TTC7A: variants seen among roughly 807,000 people sequenced by gnomAD.
TTC7A encodes tetratricopeptide repeat domain 7A.
A neutral mutation model predicts 103.7 loss-of-function variants in TTC7A; 110 were observed. The observed-to-expected ratio is 1.06, with a 90% confidence interval of 0.91 to 1.24. The LOEUF (loss-of-function observed/expected upper bound fraction) is 1.24. Among genes scored for constraint, TTC7A ranks in the 50% most tolerant of loss-of-function variants. The pLI is 0.00. For missense variants in TTC7A, 1,340 were observed against 1,116.3 expected (o/e 1.20, Z -2.86); for synonymous variants, 521 against 467.9 (o/e 1.11, Z -1.47).
At chr2:47,015,047 G>C (rs1467093053) in intron 11 of TTC7A, among the ~76,000 whole-genome samples, 1 of 152,244 alleles carries the variant, frequency 6.6e-6, no homozygotes, top group South Asian at 2.1e-4. Flanking sequence ...AGCTGAGCAG[G>C]TTTGGGTTTG....
chr2:46,997,875 G>C (rs1038072630), intron 8 of TTC7A, among the ~76,000 whole-genome samples: 1 of 152,132 alleles, frequency 6.6e-6, no homozygotes, highest in African/African-American at 2.4e-5. Context: ...GAGTTCAGAT[G>C]CCTTTCAGTT....
chr2:47,056,125 C>T (rs1675763650), intron 18 of TTC7A, among the ~76,000 whole-genome samples: 1 of 152,210 alleles, frequency 6.6e-6, no homozygotes, highest in Non-Finnish European at 1.5e-5. Context: ...AACCTGAGAA[C>T]TCCCTGGAGA....
intron 15 of TTC7A, among the ~76,000 whole-genome samples, chr2:47,033,732 G>A (rs1680808436): frequency 6.6e-6 from 1 of 152,194 alleles, no homozygotes; most frequent in African/African-American, 2.4e-5. Flanking sequence ...ACAGTCGATG[G>A]ACAGCCGTGT....
intron 2 of TTC7A, among the ~76,000 whole-genome samples, chr2:46,955,601 A>C (rs6544942): frequency 0.059 from 9,017 of 152,218 alleles, 575 homozygotes; most frequent in East Asian, 0.17. Context: ...AAGCACAGGC[A>C]AAAGAGGAAT....
At chr2:46,919,937 C>T (rs1669011895) in intron 2 of TTC7A, among the ~76,000 whole-genome samples, 1 of 152,220 alleles carries the variant, frequency 6.6e-6, no homozygotes, top group African/African-American at 2.4e-5. Flanking sequence ...CTTTGTATTT[C>T]TCTCTCCCTT....
chr2:47,041,475 A>G (rs1487337558), intron 15 of TTC7A, among the ~76,000 whole-genome samples: 1 of 152,172 alleles, frequency 6.6e-6, no homozygotes, highest in East Asian at 1.9e-4. Flanking sequence ...TTGATACGCC[A>G]GTCGCGGTGG....
At chr2:46,929,787 T>C (rs1221710317) in intron 2 of TTC7A, among the ~76,000 whole-genome samples, 1 of 152,202 alleles carries the variant, frequency 6.6e-6, no homozygotes, top group Non-Finnish European at 1.5e-5. Flanking sequence ...TCTCTGGGCA[T>C]TGGTATTAGG....
chr2:46,948,995 G>A (rs1671170576), intron 1 of TTC7A, among the ~76,000 whole-genome samples: 1 of 152,204 alleles, frequency 6.6e-6, no homozygotes, highest in South Asian at 2.1e-4. Flanking sequence ...TCACTCAACA[G>A]GTATTTACTC....
chr2:47,025,439 C>T (rs1167777385), intron 14 of TTC7A, among the ~76,000 whole-genome samples: 3 of 152,178 alleles, frequency 2.0e-5, no homozygotes, highest in African/African-American at 7.2e-5. Flanking sequence ...GGGGCTTGGT[C>T]TTATGGTCAC....
At chr2:46,959,327 C>A (rs1279410685) in intron 3 of TTC7A, among the ~76,000 whole-genome samples, 1 of 152,170 alleles carries the variant, frequency 6.6e-6, no homozygotes, top group Non-Finnish European at 1.5e-5. Flanking sequence ...CCTGACTGAC[C>A]CACACTCAGC....
intron 16 of TTC7A, chr2:47,047,239 G>A: frequency 6.9e-7 from 1 of 1,449,470 alleles, no homozygotes. Flanking sequence ...GGGGACCCCA[G>A]TCTGGTGTAT....
intron 3 of TTC7A, among the ~76,000 whole-genome samples, chr2:46,973,295 T>C (rs1673537186): frequency 6.6e-6 from 1 of 152,188 alleles, no homozygotes; most frequent in Admixed American, 6.5e-5. Context: ...GGCTGGCTTT[T>C]GCAGCACAGC....
chr2:46,944,202 A>G (rs554253421), intron 1 of TTC7A, among the ~76,000 whole-genome samples: 4 of 152,152 alleles, frequency 2.6e-5, no homozygotes, highest in African/African-American at 7.2e-5. Flanking sequence ...CAACTTTATT[A>G]TGAAGAATTT....
chr2:47,014,462 G>A (rs1449953067), intron 11 of TTC7A, among the ~76,000 whole-genome samples: 1 of 152,156 alleles, frequency 6.6e-6, no homozygotes, highest in Non-Finnish European at 1.5e-5. Flanking sequence ...TCGTGTTTGA[G>A]CCCCTTTTTC....
intron 13 of TTC7A, among the ~76,000 whole-genome samples, 180 bp downstream of exon 13, chr2:47,023,645 C>T (rs926875659): frequency 6.6e-6 from 1 of 152,110 alleles, no homozygotes; most frequent in Non-Finnish European, 1.5e-5. Context: ...GCAGCCGAGC[C>T]CTGCCTTCAG....
chr2:46,915,912 A>G (rs1049696307), upstream of TTC7A: 56 of 983,976 alleles, frequency 5.7e-5, no homozygotes, highest in Admixed American at 6.2e-4. Context: ...GGCTGTGAGG[A>G]CGGCTCGCGT....
At chr2:46,940,241 TCTAA>T (rs774120103), upstream of TTC7A, among the ~76,000 whole-genome samples, 10 of 152,128 alleles carry the variant, frequency 6.6e-5, no homozygotes, top group Non-Finnish European at 1.3e-4. This position sits in a 1 kb window ranked among gnomAD's most constrained non-coding sequence, Gnocchi z 4.7. Flanking sequence ...TGGAGCACCT[TCTAA>T]CTCTTAGGAG....
chr2:46,993,370 G>C, intron 5 of TTC7A, 80 bp from the exon 6 acceptor site: 1 of 1,353,858 alleles, frequency 7.4e-7, no homozygotes, highest in Non-Finnish European at 1.1e-6. Flanking sequence ...AGCTCCTCCT[G>C]GGGTCTGCTG....
intron 2 of TTC7A, chr2:46,951,634 C>CT: frequency 2.2e-6 from 1 of 456,130 alleles, no homozygotes; most frequent in East Asian, 7.0e-5. Flanking sequence ...TGGTCTCCAA[C>CT]TCCTGGGCTC....
Sources: gnomAD v4.1 joint callset for allele counts (sites outside exome capture counted in the v4.1 genomes callset) on GRCh38, gnomAD v4.1.1 for gene constraint, Gnocchi (gnomAD v3.1) non-coding constraint, MANE v1.5 for transcripts, NCBI Gene and HGNC (gene_info 2026-07-23, HGNC 2026-07-21) for gene names.